The following PGM5 variants were observed in gnomAD, a reference collection of about 807,000 sequenced individuals.
The protein encoded by PGM5 is phosphoglucomutase 5, also known as phosphoglucomutase-like protein 5.
In PGM5, 23 loss-of-function variants were observed where a neutral mutation model predicts 59.2. The observed-to-expected ratio is 0.39, with a 90% CI of 0.28 to 0.55. The LOEUF is 0.55. Ranked by LOEUF, PGM5 falls within the 20% of genes least tolerant of loss-of-function variation. The probability of loss-of-function intolerance (pLI) is 0.66; values close to 1 mark genes in which losing one functional copy is unlikely to be tolerated. For synonymous variants in PGM5, 214 were observed against 286.0 expected, an observed-to-expected ratio of 0.75 and a Z score of 2.54; for missense variants, 574 against 748.3, an observed-to-expected ratio of 0.77 and a Z score of 2.72.
At chr9:68,508,707 C>T (rs548285980) in intron 10 of PGM5, among the ~76,000 whole-genome samples, 2 of 152,248 alleles carry the variant, frequency 1.3e-5, no homozygotes, top group African/African-American at 2.4e-5. Flanking sequence ...CATCACTTCT[C>T]TTGCCAGATG....
At chr9:68,418,025 A>ATC (rs1482690881) in intron 6 of PGM5, among the ~76,000 whole-genome samples, 1 of 152,060 alleles carries the variant, frequency 6.6e-6, no homozygotes, top group Admixed American at 6.5e-5. Context: ...TCTGTCTTTG[A>ATC]TCTCTCTCTT....
intron 1 of PGM5, among the ~76,000 whole-genome samples, chr9:68,361,083 T>C (rs1452423187): frequency 7.2e-5 from 11 of 152,150 alleles, no homozygotes; most frequent in African/African-American, 2.2e-4. Flanking sequence ...CATGCCCAGC[T>C]AATTTATTGT....
chr9:68,423,192 C>A (rs972667389), intron 6 of PGM5, among the ~76,000 whole-genome samples: 15 of 152,140 alleles, frequency 9.9e-5, no homozygotes, highest in African/African-American at 3.4e-4. Context: ...CATGCATGTG[C>A]AAGTATCTTT....
chr9:68,439,235 A>C (rs1554683535), intron 6 of PGM5, among the ~76,000 whole-genome samples: 1 of 151,698 alleles, frequency 6.6e-6, no homozygotes, highest in African/African-American at 2.4e-5. Context: ...CATGGTGGCA[A>C]ACACCTGTGA....
chr9:68,431,503 G>T (rs1554683023), intron 6 of PGM5, among the ~76,000 whole-genome samples: 3 of 152,090 alleles, frequency 2.0e-5, no homozygotes, highest in Admixed American at 6.6e-5. Flanking sequence ...TTTTTACAAA[G>T]AACACCAGGA....
chr9:68,388,755 G>A (rs1414671720), intron 4 of PGM5, among the ~76,000 whole-genome samples: 15 of 152,192 alleles, frequency 9.9e-5, no homozygotes, highest in Admixed American at 9.8e-4. Flanking sequence ...CTGTGTTATA[G>A]CTATTATATT....
At chr9:68,373,891 T>C (rs1821805722) in intron 1 of PGM5, among the ~76,000 whole-genome samples, 1 of 152,238 alleles carries the variant, frequency 6.6e-6, no homozygotes, top group South Asian at 2.1e-4. Flanking sequence ...ACTGAATCTG[T>C]AGAAAGAGAA....
chr9:68,407,925 A>G (rs1272836282), intron 6 of PGM5, among the ~76,000 whole-genome samples: 3 of 152,214 alleles, frequency 2.0e-5, no homozygotes, highest in Non-Finnish European at 4.4e-5. Flanking sequence ...AACACCGGCT[A>G]CTTTCTTTAA....
intron 9 of PGM5, among the ~76,000 whole-genome samples, chr9:68,489,641 A>C (rs1470203346): frequency 6.7e-6 from 1 of 150,306 alleles, no homozygotes; most frequent in Non-Finnish European, 1.5e-5. Context: ...ATTTTTTTAT[A>C]CCCTTAGTAG....
At chr9:68,415,417 G>A (rs1165356781) in intron 6 of PGM5, among the ~76,000 whole-genome samples, 1 of 147,846 alleles carries the variant, frequency 6.8e-6, no homozygotes. Context: ...GAGCCTCAGG[G>A]CTGACAATGG....
chr9:68,433,303 A>C (rs1408248570), intron 6 of PGM5, among the ~76,000 whole-genome samples: 1 of 152,200 alleles, frequency 6.6e-6, no homozygotes, highest in African/African-American at 2.4e-5. Context: ...ACAGAAGATG[A>C]CCTCTGTGTT....
At chr9:68,389,069 C>G (rs1822300506) in intron 4 of PGM5, among the ~76,000 whole-genome samples, 1 of 151,896 alleles carries the variant, frequency 6.6e-6, no homozygotes, top group Non-Finnish European at 1.5e-5. Context: ...TTTTTCATCT[C>G]TTTATTTTGT....
intron 4 of PGM5, among the ~76,000 whole-genome samples, chr9:68,389,352 A>G (rs1459020857): frequency 6.6e-6 from 1 of 152,084 alleles, no homozygotes; most frequent in African/African-American, 2.4e-5. Context: ...ATCAAGACTG[A>G]ATATTTCCAT....
At chr9:68,514,258 T>C (rs782722233) in intron 10 of PGM5, among the ~76,000 whole-genome samples, 3 of 150,616 alleles carry the variant, frequency 2.0e-5, no homozygotes, top group African/African-American at 4.9e-5. Context: ...CCCTTGTGCT[T>C]AGGAGTTGAA....
intron 9 of PGM5, among the ~76,000 whole-genome samples, chr9:68,487,558 C>A (rs1824317855): frequency 2.6e-5 from 4 of 151,790 alleles, no homozygotes; most frequent in Admixed American, 6.6e-5. Context: ...AAAACCCTCA[C>A]CCAACTCTTC....
chr9:68,480,981 A>G (rs1338685490), intron 8 of PGM5, among the ~76,000 whole-genome samples: 1 of 152,190 alleles, frequency 6.6e-6, no homozygotes, highest in African/African-American at 2.4e-5. Context: ...AACTGTAAAG[A>G]ACTTGGAGGT....
intron 10 of PGM5, among the ~76,000 whole-genome samples, chr9:68,511,129 C>T (rs782477087): frequency 3.9e-5 from 6 of 152,166 alleles, no homozygotes; most frequent in African/African-American, 1.4e-4. Context: ...TACAGAAGGC[C>T]GATTTCCCCC....
At chr9:68,471,211 G>T (rs1212636635) in intron 7 of PGM5, among the ~76,000 whole-genome samples, 1 of 152,200 alleles carries the variant, frequency 6.6e-6, no homozygotes. Context: ...GACTGACTGG[G>T]AGTCCTGAGA....
chr9:68,357,645 A>T, intron 1 of PGM5: 1 of 552,962 alleles, frequency 1.8e-6, no homozygotes, highest in South Asian at 2.1e-5. Flanking sequence ...TCCTGGAGCC[A>T]CTCCGGGCGC....
Sources: allele counts gnomAD v4.1 joint callset (sites outside exome capture counted in the v4.1 genomes callset), GRCh38; gene constraint gnomAD v4.1.1; transcripts MANE v1.5; gene names NCBI Gene and HGNC (gene_info 2026-07-23, HGNC 2026-07-21).